Variants in NRG3 observed in about 807,000 individuals in gnomAD.
NRG3 encodes the protein neuregulin 3, also known as pro-neuregulin-3, membrane-bound isoform.
A neutral mutation model predicts 66.9 loss-of-function variants in NRG3; 31 were observed. The ratio of observed to expected loss-of-function variants is 0.46; its 90% confidence interval spans 0.35 to 0.63. NRG3 has a LOEUF of 0.63. Ranked by LOEUF, NRG3 falls within the 20% of genes least tolerant of loss-of-function variation. The pLI, the probability that NRG3 is intolerant of heterozygous loss-of-function variation, is 0.00. For missense variants in NRG3, 910 were observed against 878.9 expected, an observed-to-expected ratio of 1.04 and a Z score of -0.45; for synonymous variants, 393 against 359.4, an observed-to-expected ratio of 1.09 and a Z score of -1.06.
At chr10:82,571,064 T>A (rs2133113734) in intron 2 of NRG3, among the ~76,000 whole-genome samples, 1 of 151,740 alleles carries the variant, frequency 6.6e-6, no homozygotes, top group East Asian at 1.9e-4. Flanking sequence ...TTATTATAAA[T>A]GTTTCCATAC....
chr10:82,745,741 T>A (rs1000475636), intron 3 of NRG3, among the ~76,000 whole-genome samples: 4 of 152,168 alleles, frequency 2.6e-5, no homozygotes, highest in African/African-American at 9.6e-5. Context: ...AACACATGAT[T>A]TCTAGATACT....
intron 1 of NRG3, among the ~76,000 whole-genome samples, chr10:81,929,470 G>A (rs1008913690): frequency 2.0e-5 from 3 of 152,146 alleles, no homozygotes. Context: ...AATACCCAGC[G>A]GCCGTTTTGC....
chr10:82,337,864 T>C (rs1195088190), intron 1 of NRG3, among the ~76,000 whole-genome samples: 1 of 152,224 alleles, frequency 6.6e-6, no homozygotes, highest in Non-Finnish European at 1.5e-5. Context: ...CATTGGGGTC[T>C]TTACTCATAA....
intron 1 of NRG3, among the ~76,000 whole-genome samples, chr10:82,247,749 T>C (rs1177498387): frequency 6.6e-6 from 1 of 152,170 alleles, no homozygotes; most frequent in East Asian, 1.9e-4. Flanking sequence ...TGTACCCCTC[T>C]AGGGTACTTA....
At chr10:82,696,504 AT>A (rs540999172) in intron 2 of NRG3, among the ~76,000 whole-genome samples, 3 of 152,150 alleles carry the variant, frequency 2.0e-5, no homozygotes, top group Non-Finnish European at 2.9e-5. Flanking sequence ...GGAAAAAAAA[AT>A]AACTTCCTCT....
intron 1 of NRG3, among the ~76,000 whole-genome samples, chr10:82,210,530 G>T (rs1168891305): frequency 6.6e-6 from 1 of 152,240 alleles, no homozygotes; most frequent in East Asian, 1.9e-4. Flanking sequence ...CAAACTTTGG[G>T]GCTGGAAGAG....
chr10:82,807,651 A>G (rs1418743570), intron 3 of NRG3, among the ~76,000 whole-genome samples: 2 of 152,200 alleles, frequency 1.3e-5, no homozygotes, highest in African/African-American at 4.8e-5. Flanking sequence ...TGCCACCCCA[A>G]AGCAAACTGC....
intron 1 of NRG3, among the ~76,000 whole-genome samples, chr10:82,168,889 A>C (rs1317365557): frequency 6.6e-6 from 1 of 152,152 alleles, no homozygotes; most frequent in Admixed American, 6.6e-5. Flanking sequence ...ACTTCTAGAT[A>C]AACTGTTCAC....
chr10:82,786,323 G>T (rs903207899), intron 3 of NRG3, among the ~76,000 whole-genome samples: 2 of 152,138 alleles, frequency 1.3e-5, no homozygotes, highest in African/African-American at 4.8e-5. Flanking sequence ...CCTTCCCATT[G>T]TGCCCAGATG....
intron 2 of NRG3, among the ~76,000 whole-genome samples, chr10:82,707,175 G>A (rs1048941395): frequency 5.9e-5 from 9 of 151,506 alleles, no homozygotes; most frequent in Non-Finnish European, 1.2e-4. Context: ...CAGAAACAAC[G>A]AAGAGCTTTT....
At chr10:81,908,133 A>T (rs923532666) in intron 1 of NRG3, among the ~76,000 whole-genome samples, 2 of 152,202 alleles carry the variant, frequency 1.3e-5, no homozygotes, top group African/African-American at 4.8e-5. Context: ...ATGTTTTGGA[A>T]GACCTCCAAG....
chr10:82,225,028 C>A (rs532361797), intron 1 of NRG3, among the ~76,000 whole-genome samples: 51 of 151,730 alleles, frequency 3.4e-4, no homozygotes, highest in African/African-American at 1.1e-3. Context: ...ATCACCAGAC[C>A]TCACAATATT....
At chr10:82,229,820 T>G (rs1246952371) in intron 1 of NRG3, among the ~76,000 whole-genome samples, 2 of 151,914 alleles carry the variant, frequency 1.3e-5, no homozygotes, top group Admixed American at 1.3e-4. Flanking sequence ...ATATTAAGTA[T>G]AGGAAAGAAT....
At chr10:82,549,466 A>G (rs2044158475) in intron 2 of NRG3, among the ~76,000 whole-genome samples, 1 of 152,198 alleles carries the variant, frequency 6.6e-6, no homozygotes, top group African/African-American at 2.4e-5. Context: ...GTAGGGAGCC[A>G]GACAGGAGAG....
intron 3 of NRG3, among the ~76,000 whole-genome samples, chr10:82,807,845 T>A (rs2061350105): frequency 6.6e-6 from 1 of 152,338 alleles, no homozygotes; most frequent in South Asian, 2.1e-4. Context: ...TAAATAAATT[T>A]ATTTCATTTA....
At chr10:82,929,875 C>CAA (rs560959914) in intron 4 of NRG3, among the ~76,000 whole-genome samples, 11,059 of 79,282 alleles carry the variant, frequency 0.14, 620 homozygotes, top group Admixed American at 0.21. Context: ...GACTCCATCT[C>CAA]AAAAAAAAAA....
chr10:82,892,491 A>T (rs1472379982), intron 4 of NRG3, among the ~76,000 whole-genome samples: 1 of 151,960 alleles, frequency 6.6e-6, no homozygotes, highest in African/African-American at 2.4e-5. Flanking sequence ...ATAGCAAGAC[A>T]CTATCTCTAC....
intron 4 of NRG3, among the ~76,000 whole-genome samples, chr10:82,913,206 C>G (rs1228606970): frequency 2.0e-5 from 3 of 152,074 alleles, no homozygotes; most frequent in African/African-American, 7.2e-5. Flanking sequence ...GCCTGGGTGA[C>G]AGAGCGAGAC....
chr10:82,677,398 G>A (rs2053786704), intron 2 of NRG3, among the ~76,000 whole-genome samples: 1 of 151,904 alleles, frequency 6.6e-6, no homozygotes, highest in African/African-American at 2.4e-5. Flanking sequence ...GGAGTTTTTT[G>A]TTTGTTTTTG....
Sources: gnomAD v4.1 joint callset for allele counts (sites outside exome capture counted in the v4.1 genomes callset) on GRCh38, gnomAD v4.1.1 for gene constraint, MANE v1.5 for transcripts, NCBI Gene and HGNC (gene_info 2026-07-23, HGNC 2026-07-21) for gene names.